The following CHN1 variants were observed in gnomAD, a reference collection of about 807,000 sequenced individuals.
CHN1 encodes the protein N-chimaerin.
Under a neutral mutation model 59.5 loss-of-function variants are expected in CHN1, and 37 were observed. The observed-to-expected ratio is 0.62, with a 90% CI of 0.48 to 0.82. CHN1 has a LOEUF of 0.82. Ranked by LOEUF, CHN1 falls within the 40% of genes least tolerant of loss-of-function variation. The pLI is 0.00. For synonymous variants in CHN1, 206 were observed against 200.4 expected (o/e 1.03, Z -0.24); for missense variants, 469 against 571.0 (o/e 0.82, Z 1.82).
chr2:174,799,374 GA>G lies in CHN1; in HGVS notation c.*741del, dbSNP rs961873027. 4.9e-6 allele frequency: 2 copies of G among 409,234 alleles called. No homozygotes were observed. The highest frequency in any genetic ancestry group is 9.3e-6 in the Non-Finnish European group (2 of 215,714). The allele number at this position is 409,234 out of a possible 1,614,324, so 25.4% of individuals were successfully genotyped here. A position where few individuals can be genotyped will look rare whatever the true frequency, so the allele number is the denominator to read the frequency against. On this transcript the variant is annotated 3_prime_UTR_variant, in exon 13 of 13. Transcript: ENST00000409900. ...CACATTTTCCCGAATATTCTTATGAGAAAAAAGTAAGCTATCAATATTTTTT... is the reference window on the plus strand; with the variant it reads ...CACATTTTCCCGAATATTCTTATGAGAAAAAGTAAGCTATCAATATTTTTT...
intron 5 of CHN1, among the ~76,000 whole-genome samples, chr2:174,887,129 A>C (rs1455946): frequency 0.039 from 6,004 of 152,264 alleles, 424 homozygotes; most frequent in African/African-American, 0.14. Flanking sequence ...AATTACATTA[A>C]GCTGATGGCG....
At chr2:174,909,889 C>T (rs561964755) in intron 5 of CHN1, among the ~76,000 whole-genome samples, 2 of 152,148 alleles carry the variant, frequency 1.3e-5, no homozygotes, top group South Asian at 2.1e-4. Context: ...GTCCCTTTTG[C>T]GATATACTGG....
chr2:174,939,327 A>G (rs1475001089), intron 3 of CHN1, among the ~76,000 whole-genome samples: 2 of 152,152 alleles, frequency 1.3e-5, no homozygotes, highest in Non-Finnish European at 2.9e-5. Flanking sequence ...CACCAAATGA[A>G]TTTTTTTAAA....
intron 11 of CHN1, among the ~76,000 whole-genome samples, chr2:174,806,436 A>T (rs78848008): frequency 1.3e-5 from 2 of 152,158 alleles, no homozygotes; most frequent in African/African-American, 4.8e-5. Flanking sequence ...CTGAGAGAGA[A>T]AAAAAATTTT....
chr2:174,978,444 C>G (rs1691029140), intron 1 of CHN1, among the ~76,000 whole-genome samples: 1 of 152,196 alleles, frequency 6.6e-6, no homozygotes, highest in South Asian at 2.1e-4. Context: ...GGGCATTAAA[C>G]AAAGAATGAG....
intron 10 of CHN1, chr2:174,811,238 T>C (rs1685062932): frequency 3.5e-6 from 1 of 287,124 alleles, no homozygotes; most frequent in Non-Finnish European, 6.5e-6. Flanking sequence ...TGAATGTAAT[T>C]GCTCTGTATG....
chr2:174,959,737 G>T (rs6433511), intron 1 of CHN1, among the ~76,000 whole-genome samples: 6,403 of 152,248 alleles, frequency 0.042, 476 homozygotes, highest in African/African-American at 0.14. Flanking sequence ...GCGTTTATCA[G>T]GTAGGACAGA....
intron 5 of CHN1, among the ~76,000 whole-genome samples, chr2:174,891,797 G>C (rs1364046920): frequency 6.6e-6 from 1 of 151,554 alleles, no homozygotes; most frequent in Non-Finnish European, 1.5e-5. Flanking sequence ...AAACAAAATA[G>C]ACACTAGAAA....
chr2:175,002,867 G>A (rs1691934127), intron 1 of CHN1, among the ~76,000 whole-genome samples: 1 of 152,182 alleles, frequency 6.6e-6, no homozygotes, highest in African/African-American at 2.4e-5. Flanking sequence ...AGGCACTTCT[G>A]ACTAAGACCA....
At chr2:174,813,133 A>C (rs985663337) in intron 8 of CHN1, among the ~76,000 whole-genome samples, 8 of 152,234 alleles carry the variant, frequency 5.3e-5, no homozygotes, top group Non-Finnish European at 1.0e-4. Context: ...AGCTCTATGA[A>C]ACGGGTACTT....
chr2:174,943,950 C>T (rs547947371), intron 3 of CHN1, among the ~76,000 whole-genome samples: 2 of 152,132 alleles, frequency 1.3e-5, no homozygotes, highest in Non-Finnish European at 2.9e-5. Context: ...AGCTGCTTTG[C>T]CTGACCAGAC....
chr2:174,851,052 G>A (rs1686713366), intron 6 of CHN1, among the ~76,000 whole-genome samples: 1 of 152,138 alleles, frequency 6.6e-6, no homozygotes, highest in South Asian at 2.1e-4. Flanking sequence ...TGTCTTCAAA[G>A]CCTGACAGCT....
intron 6 of CHN1, among the ~76,000 whole-genome samples, chr2:174,853,560 C>G (rs555969785): frequency 6.6e-6 from 1 of 152,126 alleles, no homozygotes; most frequent in African/African-American, 2.4e-5. Context: ...TAATTTAAAA[C>G]AGAACTACCA....
intron 3 of CHN1, among the ~76,000 whole-genome samples, chr2:174,943,683 ATAT>A (rs1184570698): frequency 1.1e-4 from 16 of 152,088 alleles, no homozygotes; most frequent in South Asian, 2.1e-4. Context: ...ACTCCTTATC[ATAT>A]TATTATGATA....
chr2:174,922,722 A>AT (rs71407162), intron 3 of CHN1, among the ~76,000 whole-genome samples: 2,023 of 152,214 alleles, frequency 0.013, 15 homozygotes, highest in Middle Eastern at 0.024. Context: ...TCATACATAC[A>AT]TAAAAAAAAA....
Position 174,926,527 on chromosome 2 carries a change from T to C in CHN1, c.115-7962A>G, listed in dbSNP as rs928011776. On this transcript the variant is annotated intron_variant, in intron 3 of 12. Coordinates refer to ENST00000409900, the MANE Select transcript of CHN1 (RefSeq NM_001822.7). ...CTTTCACCCTGGCATTGTAAATTGA[T>C]AGCTCACTTTCACAAGTACTGGACA... Among the ~76,000 whole-genome samples the C allele has an allele frequency of 2.1e-4, 32 of 152,168 alleles. 1 individual carries two copies. Among genetic ancestry groups the C allele is most frequent in the Admixed American group, 2.0e-3 (30 of 15,274 alleles).
intron 9 of CHN1, 119 bp from the exon 10 acceptor site, chr2:174,811,707 C>A: frequency 3.4e-6 from 2 of 589,668 alleles, no homozygotes; most frequent in East Asian, 2.9e-5. Flanking sequence ...GTTTAGAAAT[C>A]TTTTCACACT....
At chr2:174,888,809 C>T (rs893505972) in intron 5 of CHN1, among the ~76,000 whole-genome samples, 1 of 152,128 alleles carries the variant, frequency 6.6e-6, no homozygotes, top group Non-Finnish European at 1.5e-5. Flanking sequence ...GATTGTTTTT[C>T]CTCTTGCCTC....
chr2:174,982,403 C>T (rs1361273420), intron 1 of CHN1, among the ~76,000 whole-genome samples: 1 of 152,180 alleles, frequency 6.6e-6, no homozygotes, highest in Non-Finnish European at 1.5e-5. Flanking sequence ...AACTAGTTTA[C>T]AGTCCCACCA....
Sources: gnomAD v4.1 joint callset for allele counts (sites outside exome capture counted in the v4.1 genomes callset) on GRCh38, gnomAD v4.1.1 for gene constraint, MANE v1.5 for transcripts, NCBI Gene and HGNC (gene_info 2026-07-23, HGNC 2026-07-21) for gene names.